The following SESTD1 variants were observed in gnomAD, a reference collection of about 807,000 sequenced individuals.
SESTD1 encodes the protein SEC14 and spectrin domain containing 1, also known as SEC14 domain and spectrin repeat-containing protein 1.
SESTD1 carries 43 observed loss-of-function variants against 101.7 expected under a neutral mutation model. That is an observed-to-expected ratio of 0.42 (90% CI 0.33 to 0.55). SESTD1 has a LOEUF of 0.55. Ranked by LOEUF, SESTD1 falls within the 20% of genes least tolerant of loss-of-function variation. SESTD1 has a pLI of 0.07. For synonymous variants in SESTD1, 283 were observed against 286.8 expected (o/e 0.99, Z 0.13); for missense variants, 647 against 815.1 (o/e 0.79, Z 2.51).
At chr2:179,129,991 T>C (rs758823217) in intron 10 of SESTD1, among the ~76,000 whole-genome samples, 11 of 152,150 alleles carry the variant, frequency 7.2e-5, no homozygotes, top group Non-Finnish European at 1.5e-4. Flanking sequence ...TGTTCCTACC[T>C]CCCAATTCTG....
intron 1 of SESTD1, among the ~76,000 whole-genome samples, chr2:179,233,071 G>A (rs2105540061): frequency 1.3e-5 from 2 of 152,156 alleles, no homozygotes. Context: ...ATTCTAAGAT[G>A]GAAATCAAAC....
chr2:179,249,835 T>C (rs1351099289), intron 1 of SESTD1, among the ~76,000 whole-genome samples: 2 of 148,506 alleles, frequency 1.3e-5, no homozygotes, highest in East Asian at 2.0e-4. Context: ...AACAACTCGA[T>C]GGAGAAAGAC....
At chr2:179,215,373 T>C (rs1238943276) in intron 1 of SESTD1, among the ~76,000 whole-genome samples, 1 of 134,000 alleles carries the variant, frequency 7.5e-6, no homozygotes, top group Non-Finnish European at 1.6e-5. Context: ...TCTATGCAAA[T>C]AAACTAGAAA....
At chr2:179,199,081 G>A (rs1399312004) in intron 1 of SESTD1, among the ~76,000 whole-genome samples, 1 of 152,086 alleles carries the variant, frequency 6.6e-6, no homozygotes, top group Admixed American at 6.6e-5. Context: ...AGAAAAAAGA[G>A]AGAAGAATCA....
At chr2:179,185,974 T>C (rs2046225081) in intron 2 of SESTD1, among the ~76,000 whole-genome samples, 1 of 142,518 alleles carries the variant, frequency 7.0e-6, no homozygotes, top group African/African-American at 2.6e-5. Flanking sequence ...GCATATACAA[T>C]ATAGTATATT....
At chr2:179,243,751 T>C (rs960633486) in intron 1 of SESTD1, among the ~76,000 whole-genome samples, 10 of 136,404 alleles carry the variant, frequency 7.3e-5, no homozygotes, top group Non-Finnish European at 6.2e-5. Flanking sequence ...CTGGGGCTAC[T>C]AGAGGGGAGA....
chr2:179,132,567 G>A, intron 9 of SESTD1, 141 bp from the exon 10 acceptor site: 1 of 925,068 alleles, frequency 1.1e-6, no homozygotes, highest in South Asian at 2.0e-5. Flanking sequence ...GGCAGTAAAT[G>A]TTTCTTTTGG....
chr2:179,146,171 A>G (rs1446544836), intron 8 of SESTD1, among the ~76,000 whole-genome samples: 1 of 152,076 alleles, frequency 6.6e-6, no homozygotes, highest in African/African-American at 2.4e-5. Flanking sequence ...TGTGCTCCTT[A>G]TAAGAACCTA....
chr2:179,189,665 G>C (rs2046291100), intron 2 of SESTD1, among the ~76,000 whole-genome samples: 1 of 152,098 alleles, frequency 6.6e-6, no homozygotes, highest in South Asian at 2.1e-4. Context: ...TCTATACCTA[G>C]ACAACCCTAA....
At chr2:179,228,704 C>T (rs927765639) in intron 1 of SESTD1, among the ~76,000 whole-genome samples, 3 of 152,108 alleles carry the variant, frequency 2.0e-5, no homozygotes, top group African/African-American at 7.2e-5. Flanking sequence ...AATACAAATC[C>T]TCCAATATAA....
At position 179,123,721 on chromosome 2, in the gene SESTD1, T is replaced by C; in HGVS notation, c.1276A>G (p.Ser426Gly). The C allele has an allele frequency of 6.2e-7, 1 of 1,611,124 alleles. No homozygotes were observed. Among genetic ancestry groups the C allele is most frequent in the Non-Finnish European group, 8.5e-7 (1 of 1,178,120 alleles). ...TLKLLEEKLK[S>G]VDVGLQGLRE... ...ATTTTTAAAATCTGCTTACCAACAC[T>C]TTTCAGCTTCTCTTCAAGCAGTTTT... Residue 426 changes from serine to glycine, a missense_variant, in exon 12 of 18, where the codon AGT becomes GGT. Around this residue, in one of 3 missense-constraint regions of SESTD1, gnomAD observed 476 missense variants for 562.6 expected, o/e 0.85. Transcript: ENST00000428443.
chr2:179,184,494 C>A (rs572669569), intron 2 of SESTD1, among the ~76,000 whole-genome samples: 1 of 151,784 alleles, frequency 6.6e-6, no homozygotes, highest in Non-Finnish European at 1.5e-5. Flanking sequence ...TAAGGTGATT[C>A]AACTTAGTAA....
At position 179,149,151 on chromosome 2, in the gene SESTD1, AT is replaced by A. The variant is rs2045462884; in HGVS notation, c.581+145del. The A allele has an allele frequency of 5.5e-6, 3 of 547,178 alleles. No individual in the cohort carries two copies. In the South Asian group the frequency reaches 7.0e-5, roughly 13 times the overall value. 33.9% of individuals were successfully genotyped at this position (547,178 alleles called of 1,614,324 possible). ...CATTTTACATGTAAAGCAAATTCAA[AT>A]TCTCACGAATATTGTACGTCAATTT... On this transcript the variant is annotated intron_variant, in intron 7 of 17. Transcript: ENST00000428443.
intron 1 of SESTD1, among the ~76,000 whole-genome samples, chr2:179,254,863 T>G (rs1452817485): frequency 6.6e-6 from 1 of 152,242 alleles, no homozygotes; most frequent in Non-Finnish European, 1.5e-5. Flanking sequence ...TGGAGCAAGT[T>G]TGTCAGCTCA....
At chr2:179,178,723 G>A (rs746761563) in intron 3 of SESTD1, among the ~76,000 whole-genome samples, 1 of 152,186 alleles carries the variant, frequency 6.6e-6, no homozygotes, top group South Asian at 2.1e-4. Context: ...AGACACAGCA[G>A]TCCAGGAGAG....
chr2:179,184,262 A>G (rs1372829263), intron 2 of SESTD1, among the ~76,000 whole-genome samples: 1 of 152,202 alleles, frequency 6.6e-6, no homozygotes, highest in African/African-American at 2.4e-5. Flanking sequence ...CTGACATTTG[A>G]GGTAATTTGA....
chr2:179,221,558 G>A (rs2046815400), intron 1 of SESTD1, among the ~76,000 whole-genome samples: 1 of 151,624 alleles, frequency 6.6e-6, no homozygotes, highest in African/African-American at 2.4e-5. Flanking sequence ...GGCAGAGGTT[G>A]CAGTGAGCCA....
At chr2:179,239,027 CTAA>C (rs966257431) in intron 1 of SESTD1, among the ~76,000 whole-genome samples, 12 of 152,104 alleles carry the variant, frequency 7.9e-5, no homozygotes, top group African/African-American at 2.7e-4. Flanking sequence ...TTAATCACGA[CTAA>C]TGTTTGATTT....
At chr2:179,152,464 T>G (rs1331877033) in intron 5 of SESTD1, among the ~76,000 whole-genome samples, 1 of 152,216 alleles carries the variant, frequency 6.6e-6, no homozygotes, top group Non-Finnish European at 1.5e-5. Context: ...TGAATTTTAC[T>G]TCACATAAAT....
Sources: allele counts gnomAD v4.1 joint callset (sites outside exome capture counted in the v4.1 genomes callset), GRCh38; gene constraint gnomAD v4.1.1; regional missense constraint gnomAD v4.1.1; transcripts MANE v1.5; gene names NCBI Gene and HGNC (gene_info 2026-07-23, HGNC 2026-07-21).